Variants in ZFYVE9 observed in about 807,000 individuals in gnomAD.
ZFYVE9 encodes zinc finger FYVE domain-containing protein 9.
A neutral mutation model predicts 126.7 loss-of-function variants in ZFYVE9; 43 were observed. That is an observed-to-expected ratio of 0.34 (90% CI 0.27 to 0.44). The LOEUF is 0.44. ZFYVE9 is among the 20% of genes least tolerant of loss of function. The pLI, the probability that ZFYVE9 is intolerant of heterozygous loss-of-function variation, is 1.00. For missense variants in ZFYVE9, 1,476 were observed against 1,697.0 expected (o/e 0.87, Z 2.29); for synonymous variants, 521 against 597.4 (o/e 0.87, Z 1.87).
At chr1:52,256,157 C>T (rs1325028805) in intron 4 of ZFYVE9, among the ~76,000 whole-genome samples, 2 of 151,716 alleles carry the variant, frequency 1.3e-5, no homozygotes, top group African/African-American at 2.4e-5. Flanking sequence ...TCTCCACCTC[C>T]TGGGTTCAAG....
At chr1:52,163,208 A>G (rs1370293356) in intron 1 of ZFYVE9, among the ~76,000 whole-genome samples, 1 of 152,170 alleles carries the variant, frequency 6.6e-6, no homozygotes, top group Non-Finnish European at 1.5e-5. Context: ...GATCCTTAAT[A>G]CTTTCCATTA....
chr1:52,184,697 A>G (rs1644748472), intron 1 of ZFYVE9, among the ~76,000 whole-genome samples: 1 of 152,082 alleles, frequency 6.6e-6, no homozygotes, highest in African/African-American at 2.4e-5. Context: ...ATTCCAGATG[A>G]CCATCCTTTA....
chr1:52,313,168 A>G (rs1430838173), intron 13 of ZFYVE9, among the ~76,000 whole-genome samples: 1 of 152,216 alleles, frequency 6.6e-6, no homozygotes, highest in Non-Finnish European at 1.5e-5. Context: ...TAGCCTCCAG[A>G]AATGTAAGAC....
At chr1:52,258,737 AG>A (rs1645548017) in intron 4 of ZFYVE9, among the ~76,000 whole-genome samples, 1 of 152,156 alleles carries the variant, frequency 6.6e-6, no homozygotes, top group Non-Finnish European at 1.5e-5. Context: ...CTGGCGTTGA[AG>A]AGTCATCTAC....
At chr1:52,314,360 AT>A (rs1451458460) in intron 13 of ZFYVE9, among the ~76,000 whole-genome samples, 2 of 152,186 alleles carry the variant, frequency 1.3e-5, no homozygotes, top group Non-Finnish European at 2.9e-5. Context: ...GTCATCCTAT[AT>A]TTTATACCCA....
chr1:52,250,905 G>A (rs116412339), intron 4 of ZFYVE9, among the ~76,000 whole-genome samples: 192 of 151,926 alleles, frequency 1.3e-3, no homozygotes, highest in African/African-American at 4.2e-3. Flanking sequence ...TAGACATGAG[G>A]TCTACTGTGT....
At chr1:52,281,570 C>G in intron 9 of ZFYVE9, 91 bp from the exon 10 acceptor site, 1 of 1,400,258 alleles carries the variant, frequency 7.1e-7, no homozygotes, top group Non-Finnish European at 9.8e-7. Flanking sequence ...TTAATCTTTG[C>G]TGTATTGTAA....
chr1:52,151,815 C>T (rs1486676979), intron 1 of ZFYVE9, among the ~76,000 whole-genome samples: 1 of 152,052 alleles, frequency 6.6e-6, no homozygotes, highest in Non-Finnish European at 1.5e-5. Context: ...CCTCTCTGAG[C>T]CCATCCAGGA....
intron 2 of ZFYVE9, among the ~76,000 whole-genome samples, chr1:52,230,635 G>A (rs181537296): frequency 2.6e-5 from 4 of 152,068 alleles, no homozygotes; most frequent in African/African-American, 9.6e-5. Context: ...GGTTTTGCTG[G>A]GGTACCCTTG....
intron 1 of ZFYVE9, chr1:52,162,983 G>T: frequency 4.9e-6 from 2 of 405,592 alleles, no homozygotes; most frequent in South Asian, 3.4e-5. Context: ...TGAGAGTGAA[G>T]ACTCATTTAC....
intron 1 of ZFYVE9, among the ~76,000 whole-genome samples, chr1:52,171,740 C>T (rs1307909369): frequency 6.6e-6 from 1 of 152,186 alleles, no homozygotes; most frequent in African/African-American, 2.4e-5. Flanking sequence ...TTGCATTTCT[C>T]TGATGGCCAG....
chr1:52,317,924 CCTT>C (rs1182495826), intron 13 of ZFYVE9, among the ~76,000 whole-genome samples: 16 of 152,054 alleles, frequency 1.1e-4, no homozygotes, highest in African/African-American at 3.4e-4. Flanking sequence ...TTGTTTAAAA[CCTT>C]CTCACAAAGA....
At chr1:52,196,116 A>G (rs764741882) in intron 1 of ZFYVE9, among the ~76,000 whole-genome samples, 7 of 152,024 alleles carry the variant, frequency 4.6e-5, no homozygotes, top group Non-Finnish European at 7.4e-5. Flanking sequence ...TTTGTCCACA[A>G]TCTGGGTGCT....
At chr1:52,299,077 G>A (rs1646007939) in intron 12 of ZFYVE9, among the ~76,000 whole-genome samples, 1 of 152,030 alleles carries the variant, frequency 6.6e-6, no homozygotes, top group Non-Finnish European at 1.5e-5. Context: ...TAAAGTGCTG[G>A]GATTACAGGC....
At chr1:52,321,313 C>G (rs1160248536) in intron 13 of ZFYVE9, among the ~76,000 whole-genome samples, 1 of 152,186 alleles carries the variant, frequency 6.6e-6, no homozygotes, top group Non-Finnish European at 1.5e-5. Context: ...GTTTGATTCT[C>G]TGGCCTTCAA....
intron 11 of ZFYVE9, among the ~76,000 whole-genome samples, chr1:52,294,604 C>T (rs1321997989): frequency 6.6e-6 from 1 of 152,110 alleles, no homozygotes; most frequent in Non-Finnish European, 1.5e-5. Context: ...GTAGTGGTAT[C>T]TTGTATTAAA....
intron 1 of ZFYVE9, among the ~76,000 whole-genome samples, chr1:52,193,937 TTATGA>T (rs1644838597): frequency 6.6e-6 from 1 of 151,978 alleles, no homozygotes; most frequent in South Asian, 2.1e-4. Flanking sequence ...AACAGGAAAA[TTATGA>T]TATGGTTATA....
intron 4 of ZFYVE9, among the ~76,000 whole-genome samples, chr1:52,261,920 G>C (rs1432300468): frequency 6.6e-6 from 1 of 152,168 alleles, no homozygotes; most frequent in Non-Finnish European, 1.5e-5. Flanking sequence ...TTAGTATGAA[G>C]TAGTATTACA....
intron 18 of ZFYVE9, 73 bp downstream of exon 18, chr1:52,345,017 C>A: frequency 6.5e-7 from 1 of 1,533,206 alleles, no homozygotes; most frequent in Non-Finnish European, 9.0e-7. Flanking sequence ...AGTTTTTCTG[C>A]ATCACCCCAG....
Sources: allele counts gnomAD v4.1 joint callset (sites outside exome capture counted in the v4.1 genomes callset), GRCh38; gene constraint gnomAD v4.1.1; transcripts MANE v1.5; gene names NCBI Gene and HGNC (gene_info 2026-07-23, HGNC 2026-07-21).